The following RERE variants were observed in gnomAD, a reference collection of about 807,000 sequenced individuals.
The protein encoded by RERE is arginine-glutamic acid dipeptide repeats.
In RERE, 40 loss-of-function variants were observed where a neutral mutation model predicts 146.1. The observed-to-expected ratio is 0.27, with a 90% CI of 0.21 to 0.36. The LOEUF (loss-of-function observed/expected upper bound fraction) is 0.36. Among genes scored for constraint, RERE ranks in the 10% least tolerant of loss-of-function variants. The pLI, the probability that RERE is intolerant of heterozygous loss-of-function variation, is 1.00. For synonymous variants in RERE, 1,003 were observed against 866.0 expected (o/e 1.16, Z -2.78); for missense variants, 1,933 against 2,138.7 (o/e 0.90, Z 1.90).
chr1:8,452,948 G>A (rs1644405597), intron 11 of RERE, among the ~76,000 whole-genome samples: 1 of 152,182 alleles, frequency 6.6e-6, no homozygotes, highest in South Asian at 2.1e-4. Flanking sequence ...CCAGTGGAGA[G>A]TAGCATGGCG....
In RERE at chr1:8,435,585, C is replaced by T. The variant is rs554338316; in HGVS notation, c.1204-12778G>A. 1.2e-4 allele frequency among the ~76,000 whole-genome samples: 19 copies of T among 152,322 alleles called. No homozygotes were observed. In the East Asian group the frequency reaches 3.3e-3, roughly 26 times the overall value. ...TACACCATCCCCTCCGTGATGCCAG[C>T]TCAGCATCCAGAGTAGAGCCAGTGA... On this transcript the variant is annotated intron_variant, in intron 11 of 22. Coordinates refer to ENST00000400908, the MANE Select transcript of RERE (RefSeq NM_001042681.2).
At chr1:8,376,522 G>A (rs534609258) in intron 12 of RERE, among the ~76,000 whole-genome samples, 5 of 152,336 alleles carry the variant, frequency 3.3e-5, no homozygotes, top group Admixed American at 6.5e-5. Context: ...ACATGAGACA[G>A]ACGCTGGGAG....
At chr1:8,742,091 A>T (rs187918490) in intron 1 of RERE, among the ~76,000 whole-genome samples, 2 of 152,352 alleles carry the variant, frequency 1.3e-5, no homozygotes, top group Admixed American at 6.5e-5. Context: ...TGTAGTATGT[A>T]TATATCAAAG....
At chr1:8,785,179 T>C (rs1641237492) in intron 1 of RERE, among the ~76,000 whole-genome samples, 2 of 152,222 alleles carry the variant, frequency 1.3e-5, no homozygotes, top group Non-Finnish European at 2.9e-5. Context: ...AGAGATGTCA[T>C]TTACATGCCC....
intron 4 of RERE, among the ~76,000 whole-genome samples, chr1:8,590,509 C>T (rs752374071): frequency 1.2e-4 from 19 of 152,124 alleles, no homozygotes; most frequent in Non-Finnish European, 2.5e-4. Flanking sequence ...GAGACTTCAG[C>T]TGAAGGCCAG....
At chr1:8,501,380 TG>T in intron 8 of RERE, among the ~76,000 whole-genome samples, 1 of 48,522 alleles carries the variant, frequency 2.1e-5, no homozygotes, top group African/African-American at 9.9e-5. Flanking sequence ...GGGAGGAAGG[TG>T]GGGGGTCAGC....
At chr1:8,715,593 G>A (rs1286324210) in intron 1 of RERE, among the ~76,000 whole-genome samples, 1 of 151,488 alleles carries the variant, frequency 6.6e-6, no homozygotes, top group Non-Finnish European at 1.5e-5. Flanking sequence ...AGAGGAAGAG[G>A]AGAAAGTAGA....
At chr1:8,812,593 C>T (rs1276677272) in intron 1 of RERE, among the ~76,000 whole-genome samples, 1 of 152,126 alleles carries the variant, frequency 6.6e-6, no homozygotes, top group Admixed American at 6.6e-5. Flanking sequence ...TTGCAGTGAG[C>T]CGAGATCGTG....
chr1:8,391,247 G>GT (rs1468850931), intron 12 of RERE, among the ~76,000 whole-genome samples: 1 of 152,154 alleles, frequency 6.6e-6, no homozygotes, highest in Non-Finnish European at 1.5e-5. Flanking sequence ...CCCAGCTATG[G>GT]TATTTCCAAG....
At chr1:8,773,121 G>A (rs566462114) in intron 1 of RERE, among the ~76,000 whole-genome samples, 1 of 152,234 alleles carries the variant, frequency 6.6e-6, no homozygotes, top group Admixed American at 6.5e-5. Context: ...TGAATATCTG[G>A]TCTGTACCTT....
intron 1 of RERE, among the ~76,000 whole-genome samples, chr1:8,726,865 G>A (rs1639980203): frequency 6.6e-6 from 1 of 152,086 alleles, no homozygotes; most frequent in Non-Finnish European, 1.5e-5. Context: ...GAGTGCAGTG[G>A]CACGACCTCA....
intron 7 of RERE, among the ~76,000 whole-genome samples, chr1:8,535,829 C>T (rs1279100483): frequency 1.3e-5 from 2 of 152,034 alleles, no homozygotes; most frequent in Non-Finnish European, 2.9e-5. Context: ...GAGATTTAGC[C>T]GGGCATGGTG....
chr1:8,366,641 C>G (rs1304369118), intron 12 of RERE, among the ~76,000 whole-genome samples: 1 of 152,116 alleles, frequency 6.6e-6, no homozygotes, highest in African/African-American at 2.4e-5. Flanking sequence ...CTGGGCTTGG[C>G]AAAGAAAGAC....
chr1:8,363,932 C>A, intron 15 of RERE, 124 bp downstream of exon 15: 1 of 870,286 alleles, frequency 1.1e-6, no homozygotes, highest in Non-Finnish European at 1.8e-6. Flanking sequence ...GGCAAAGCAG[C>A]TCCCCTCCAG....
intron 1 of RERE, among the ~76,000 whole-genome samples, chr1:8,726,868 C>T (rs1170376701): frequency 1.3e-5 from 2 of 152,072 alleles, no homozygotes; most frequent in East Asian, 1.9e-4. Context: ...TGCAGTGGCA[C>T]GACCTCAGCT....
At chr1:8,731,958 A>C (rs1640094830) in intron 1 of RERE, among the ~76,000 whole-genome samples, 1 of 152,058 alleles carries the variant, frequency 6.6e-6, no homozygotes, top group Non-Finnish European at 1.5e-5. Flanking sequence ...ACACACTGCC[A>C]CGCCCGGCTA....
At chr1:8,609,818 T>C (rs1366847736) in intron 4 of RERE, among the ~76,000 whole-genome samples, 2 of 152,222 alleles carry the variant, frequency 1.3e-5, no homozygotes, top group African/African-American at 2.4e-5. Flanking sequence ...TAATGGTAAG[T>C]GCCTTACTTC....
At chr1:8,652,060 AGC>A (rs1647659047) in intron 2 of RERE, among the ~76,000 whole-genome samples, 1 of 152,202 alleles carries the variant, frequency 6.6e-6, no homozygotes, top group South Asian at 2.1e-4. Context: ...TTAGAGAAAA[AGC>A]TGTTTGGAGA....
chr1:8,494,067 C>A (rs964959649), intron 10 of RERE, among the ~76,000 whole-genome samples: 1 of 152,174 alleles, frequency 6.6e-6, no homozygotes, highest in African/African-American at 2.4e-5. Context: ...GTGTTGTTAT[C>A]TGAGCTGCTG....
Sources: gnomAD v4.1 joint callset for allele counts (sites outside exome capture counted in the v4.1 genomes callset) on GRCh38, gnomAD v4.1.1 for gene constraint, MANE v1.5 for transcripts, NCBI Gene and HGNC (gene_info 2026-07-23, HGNC 2026-07-21) for gene names.